ATG2B: variants seen among roughly 807,000 people sequenced by gnomAD.
The protein encoded by ATG2B is autophagy-related protein 2 homolog B.
Under a neutral mutation model 241.3 loss-of-function variants are expected in ATG2B, and 121 were observed. The observed-to-expected ratio is 0.50, with a 90% confidence interval of 0.43 to 0.58. The LOEUF (loss-of-function observed/expected upper bound fraction) is 0.58. Ranked by LOEUF, ATG2B falls within the 20% of genes least tolerant of loss-of-function variation. ATG2B has a pLI of 0.00. For synonymous variants in ATG2B, 858 were observed against 876.6 expected (o/e 0.98, Z 0.37); for missense variants, 2,306 against 2,491.6 (o/e 0.93, Z 1.59).
intron 34 of ATG2B, among the ~76,000 whole-genome samples, chr14:96,301,706 C>A (rs1886795652): frequency 6.6e-6 from 1 of 152,168 alleles, no homozygotes; most frequent in Non-Finnish European, 1.5e-5. Flanking sequence ...CTAATACTCT[C>A]TGAAAATGTA....
intron 1 of ATG2B, among the ~76,000 whole-genome samples, chr14:96,361,713 G>C (rs1888633999): frequency 6.6e-6 from 1 of 152,068 alleles, no homozygotes; most frequent in East Asian, 1.9e-4. Context: ...GGTCTGGAGA[G>C]TCTCTCCAGG....
chr14:96,292,183 G>A, intron 36 of ATG2B, 85 bp from the exon 37 acceptor site: 1 of 787,964 alleles, frequency 1.3e-6, no homozygotes, highest in Non-Finnish European at 2.0e-6. Context: ...TTCAATTGGA[G>A]AATAAAAACA....
Position 96,305,749 on chromosome 14 carries a change from A to C in ATG2B, c.4573T>G (p.Phe1525Val). Residue 1525 changes from phenylalanine to valine, a missense_variant, in exon 31 of 42, where the codon TTC (phenylalanine) becomes GTC (valine). Physicochemically the swap from Phe to Val is conservative, Grantham distance 50. This residue lies in a region of ATG2B where 1,927 missense variants were observed against 2,011.2 expected (regional missense o/e 0.96). Transcript: ENST00000359933. ...DDAIVIRDNYFSLPVNKTDTS... is the reference protein window; with the variant it reads ...DDAIVIRDNYVSLPVNKTDTS... ...TCGGTCTTATTAACGGGCAGACTGAAATAATTGTCTCTTATCACAATTGCA... is the reference window on the plus strand; with the variant it reads ...TCGGTCTTATTAACGGGCAGACTGACATAATTGTCTCTTATCACAATTGCA... 6.2e-7 allele frequency: 1 copy of C among 1,614,174 alleles called. No homozygotes were observed. Among genetic ancestry groups the C allele is most frequent in the Non-Finnish European group, 8.5e-7 (1 of 1,180,026 alleles).
intron 28 of ATG2B, 147 bp downstream of exon 28, chr14:96,310,970 C>T (rs1285369560): frequency 2.4e-5 from 15 of 629,264 alleles, no homozygotes; most frequent in South Asian, 5.0e-5. Flanking sequence ...ATGAAACCAC[C>T]GTTTCAGACC....
At position 96,313,045 on chromosome 14, in the gene ATG2B, A is replaced by C; in HGVS notation, c.3842+20T>G. On this transcript the variant is annotated intron_variant, in intron 25 of 41. Coordinates refer to ENST00000359933, the MANE Select transcript of ATG2B (RefSeq NM_018036.7). ...TTTCGAACAGCTTTGTTTAGTATAC[A>C]ATGAAGTTTACACAGGTACCTGAGA... 1 of 1,473,210 alleles carries C rather than the reference A, an allele frequency of 6.8e-7. No homozygotes were observed. Among genetic ancestry groups the C allele is most frequent in the Non-Finnish European group, 9.5e-7 (1 of 1,053,588 alleles). The allele number at this position is 1,473,210 out of a possible 1,614,324, so 91.3% of individuals were successfully genotyped here.
At chr14:96,301,944 C>A (rs565549030) in intron 34 of ATG2B, 63 bp downstream of exon 34, 2 of 1,262,264 alleles carry the variant, frequency 1.6e-6, no homozygotes, top group African/African-American at 1.5e-5. Flanking sequence ...ATTACAATTT[C>A]TTTATTCTGA....
rs754158702 is a variant in ATG2B at position 96,328,689 on chromosome 14, C to T, written c.1959G>A (p.Glu653=). The T allele has an allele frequency of 6.2e-7, 1 of 1,608,134 alleles. No homozygotes were observed. Among genetic ancestry groups the T allele is most frequent in the African/African-American group, 1.3e-5 (1 of 74,592 alleles). Reference sequence around the variant, plus strand: ...GATCTCTTACCTGGGGCCCTCTATTCTCAGAATGCTTATAATGAAGCTGAA... The same window carrying T: ...GATCTCTTACCTGGGGCCCTCTATTTTCAGAATGCTTATAATGAAGCTGAA... ...VCLQLHYKHS[E]NRGPQGNQAR... Residue 653 remains glutamate (E), a synonymous_variant, in exon 13 of 42, where the codon GAG becomes GAA. Transcript: ENST00000359933.
At chr14:96,301,854 C>A (rs1051086305) in intron 34 of ATG2B, among the ~76,000 whole-genome samples, 153 bp downstream of exon 34, 8 of 152,080 alleles carry the variant, frequency 5.3e-5, no homozygotes, top group Admixed American at 2.0e-4. Context: ...AGATTCCAAA[C>A]ATCTAATGAA....
chr14:96,349,467 A>T (rs1888257538), intron 1 of ATG2B, among the ~76,000 whole-genome samples: 6 of 152,252 alleles, frequency 3.9e-5, no homozygotes, highest in Admixed American at 3.9e-4. Context: ...TGCCATGTAC[A>T]GCATGAAGGG....
rs1888725520 is a variant in ATG2B, at chr14:96,363,071, A to C, written c.-95T>G. The C allele has an allele frequency of 6.9e-7, 1 of 1,446,040 alleles. No individual in the cohort carries two copies. The highest frequency in any genetic ancestry group is 2.3e-5 in the East Asian group (1 of 43,996). 89.6% of individuals were successfully genotyped at this position (1,446,040 alleles called of 1,614,324 possible). On this transcript the variant is annotated 5_prime_UTR_variant, in exon 1 of 42. Transcript: ENST00000359933. ...CGGCTCCAGGCCGCGGCGGGGCCTA[A>C]GCCTGGGGCGGCCCCTCCATCCCTA... is the stretch of plus-strand genomic sequence containing the variant.
chr14:96,337,032 G>A (rs540490618), intron 6 of ATG2B, among the ~76,000 whole-genome samples: 1 of 152,244 alleles, frequency 6.6e-6, no homozygotes, highest in South Asian at 2.1e-4. Flanking sequence ...TCAATCCTCT[G>A]AAAAATCATT....
Position 96,334,431 on chromosome 14 carries a change from T to C in ATG2B, c.995A>G (p.Asp332Gly). The change falls in exon 7 of 42, where the codon GAT becomes GGT. Residue 332 changes from aspartate to glycine, a missense_variant. Coordinates refer to ENST00000359933, the MANE Select transcript of ATG2B (RefSeq NM_018036.7). Reference protein sequence around the residue: ...LSPRQVHLLLDMLAAIAGPEN... With the variant: ...LSPRQVHLLLGMLAAIAGPEN... The stretch of plus-strand genomic sequence containing the variant: ...TGGTCCAGCAATAGCTGCCAACATA[T>C]CCAAAAGCAAGTGCACCTGTCTTGG... 6.2e-7 allele frequency: 1 copy of C among 1,610,550 alleles called. No homozygotes were observed. The highest frequency in any genetic ancestry group is 8.5e-7 in the Non-Finnish European group (1 of 1,178,590).
chr14:96,283,046 G>A lies in ATG2B; in HGVS notation c.*2709C>T, dbSNP rs1428401996. The stretch of plus-strand genomic sequence containing the variant: ...AACACTGAGTTATCTAAAAGGCAAT[G>A]TTCAGTGGTGGGCAGAAAGGAAGAG... On this transcript the variant is annotated 3_prime_UTR_variant, in exon 42 of 42. Transcript: ENST00000359933. 1 of 152,236 alleles carries A rather than the reference G, an allele frequency of 6.6e-6. No homozygotes were observed. Among genetic ancestry groups the A allele is most frequent in the Non-Finnish European group, 1.5e-5 (1 of 68,052 alleles). The allele number at this position is 152,236 out of a possible 1,614,324, so 9.4% of individuals were successfully genotyped here.
At chr14:96,353,519 G>A (rs1415932438) in intron 1 of ATG2B, among the ~76,000 whole-genome samples, 4 of 151,958 alleles carry the variant, frequency 2.6e-5, no homozygotes, top group Non-Finnish European at 5.9e-5. Flanking sequence ...TCAGCTACTC[G>A]GGAGGCTGAG....
chr14:96,356,709 C>T (rs901114860), intron 1 of ATG2B, among the ~76,000 whole-genome samples: 3 of 152,024 alleles, frequency 2.0e-5, no homozygotes, highest in African/African-American at 7.3e-5. Context: ...CCCAGGTGAA[C>T]CCAGTGCTGT....
At chr14:96,356,063 C>A (rs545330530) in intron 1 of ATG2B, among the ~76,000 whole-genome samples, 1 of 151,300 alleles carries the variant, frequency 6.6e-6, no homozygotes, top group African/African-American at 2.4e-5. Context: ...CCCAGCTACT[C>A]GGGAGGCTGA....
chr14:96,291,000 G>T lies in ATG2B; in HGVS notation c.5580-65C>A. 7.1e-7 allele frequency: 1 copy of T among 1,404,268 alleles called. No homozygotes were observed. The highest frequency in any genetic ancestry group is 9.5e-7 in the Non-Finnish European group (1 of 1,054,698). The allele number at this position is 1,404,268 out of a possible 1,614,324, so 87.0% of individuals were successfully genotyped here. ...CATTTATAGACACAGATTAGTTTGA[G>T]GGTTTTTTTTTACTTAAAACAAATT... On this transcript the variant is annotated intron_variant, in intron 38 of 41. Transcript: ENST00000359933. The surrounding 1 kb of genome is among the most constrained non-coding windows in gnomAD (Gnocchi z 4.4).
intron 1 of ATG2B, among the ~76,000 whole-genome samples, chr14:96,350,706 G>A (rs1195013585): frequency 6.6e-6 from 1 of 152,352 alleles, no homozygotes; most frequent in African/African-American, 2.4e-5. Context: ...TGAATAGTGA[G>A]ACTTGATCGG....
At chr14:96,359,496 T>C (rs1164800470) in intron 1 of ATG2B, among the ~76,000 whole-genome samples, 1 of 152,170 alleles carries the variant, frequency 6.6e-6, no homozygotes, top group Non-Finnish European at 1.5e-5. Flanking sequence ...CCCCTCACAG[T>C]GGCACATGCT....
Sources: gnomAD v4.1 joint callset for allele counts (sites outside exome capture counted in the v4.1 genomes callset) on GRCh38, gnomAD v4.1.1 for gene constraint, gnomAD v4.1.1 regional missense constraint, Gnocchi (gnomAD v3.1) non-coding constraint, MANE v1.5 for transcripts, NCBI Gene and HGNC (gene_info 2026-07-23, HGNC 2026-07-21) for gene names.